Variants in TMEM181 observed in about 807,000 individuals in gnomAD.
TMEM181 encodes G protein-coupled receptor 178.
In TMEM181, 39 loss-of-function variants were observed where a neutral mutation model predicts 71.9. That is an observed-to-expected ratio of 0.54 (90% confidence interval 0.42 to 0.71). The LOEUF (loss-of-function observed/expected upper bound fraction) is 0.71. TMEM181 is among the 30% of genes least tolerant of loss of function. The pLI, the probability that TMEM181 is intolerant of heterozygous loss-of-function variation, is 0.00. For missense variants in TMEM181, 595 were observed against 583.0 expected, an observed-to-expected ratio of 1.02 and a Z score of -0.21; for synonymous variants, 245 against 228.8, an observed-to-expected ratio of 1.07 and a Z score of -0.64.
At chr6:158,592,634 G>A (rs912449383) in intron 6 of TMEM181, among the ~76,000 whole-genome samples, 4 of 152,096 alleles carry the variant, frequency 2.6e-5, no homozygotes, top group Admixed American at 2.6e-4. Flanking sequence ...AGCTGTAGTA[G>A]TTCACCACGC....
intron 1 of TMEM181, among the ~76,000 whole-genome samples, chr6:158,551,158 C>T (rs7767132): frequency 0.26 from 39,109 of 151,768 alleles, 5,161 homozygotes; most frequent in Middle Eastern, 0.29. Flanking sequence ...GACGGGGTTT[C>T]ACCATGTTGG....
chr6:158,546,417 A>G (rs564209067), intron 1 of TMEM181, among the ~76,000 whole-genome samples: 4 of 152,366 alleles, frequency 2.6e-5, no homozygotes, highest in African/African-American at 4.8e-5. Context: ...GTTTCAGCCA[A>G]AAAGGGTACA....
Position 158,608,364 on chromosome 6 carries a change from C to G in TMEM181, c.705C>G (p.Asn235Lys). 6.2e-7 allele frequency: 1 copy of G among 1,614,246 alleles called. No homozygotes were observed. Among genetic ancestry groups the G allele is most frequent in the Non-Finnish European group, 8.5e-7 (1 of 1,180,052 alleles). The change falls in exon 9 of 17, where the codon AAC becomes AAG. Residue 235 changes from asparagine (N) to lysine (K), a missense_variant. Coordinates refer to ENST00000684151, the MANE Select transcript of TMEM181 (RefSeq NM_001376852.1). ...TCTTCCCCCTCTCCTTCCTGGTCAACAGCTGGCTCCCAGGGATGCTGGATG... is the reference window on the plus strand; with the variant it reads ...TCTTCCCCCTCTCCTTCCTGGTCAAGAGCTGGCTCCCAGGGATGCTGGATG... ...DPFFPLSFLV[N>K]SWLPGMLDDL... is the part of the protein sequence containing the mutation.
chr6:158,630,758 G>A (rs536499912), intron 15 of TMEM181, among the ~76,000 whole-genome samples: 17 of 150,090 alleles, frequency 1.1e-4, no homozygotes, highest in African/African-American at 4.2e-4. Context: ...ACCTAATAGT[G>A]AAACCAAAAC....
intron 2 of TMEM181, among the ~76,000 whole-genome samples, chr6:158,578,524 A>G (rs1783290101): frequency 6.6e-6 from 1 of 152,206 alleles, no homozygotes; most frequent in African/African-American, 2.4e-5. Context: ...TTTGGACACA[A>G]TATATAAAGA....
At chr6:158,629,705 G>A (rs1786550178) in intron 14 of TMEM181, 25 bp from the exon 15 acceptor site, 14 of 1,578,078 alleles carry the variant, frequency 8.9e-6, no homozygotes, top group Middle Eastern at 1.7e-4. Flanking sequence ...TCCAGATGCC[G>A]CGTTCCTTCC....
chr6:158,606,189 T>C lies in TMEM181; in HGVS notation c.573+842T>C, dbSNP rs1310425402. On this transcript the variant is annotated intron_variant, in intron 7 of 16. Transcript: ENST00000684151. ...CGTGGGCGCTAGAGCCACAGGGAGC[T>C]GGAGGGAGGGGCGTGGGCGCTAGAG... Among the ~76,000 whole-genome samples the C allele has an allele frequency of 5.7e-5, 8 of 140,572 alleles. No individual in the cohort carries two copies. In the East Asian group the frequency reaches 1.5e-3, roughly 27 times the overall value. 92.2% of individuals were successfully genotyped at this position (140,572 alleles called of 152,430 possible).
intron 6 of TMEM181, among the ~76,000 whole-genome samples, chr6:158,590,647 A>G (rs146061011): frequency 1.1e-3 from 167 of 152,330 alleles, no homozygotes; most frequent in African/African-American, 3.4e-3. Flanking sequence ...TATTTTTAGT[A>G]GAGACAGAGT....
chr6:158,565,062 A>G lies in TMEM181; in HGVS notation c.8+4830A>G, dbSNP rs968221945. ...CACACCCCTTGGGCCCCTGCTGCGG[A>G]TGCTGGTGTTGCTGGGTTCTGTAGA... On this transcript the variant is annotated intron_variant, in intron 1 of 16. Transcript: ENST00000684151. 2.6e-5 allele frequency among the ~76,000 whole-genome samples: 4 copies of G among 152,146 alleles called. No homozygotes were observed. The East Asian group carries it at 7.7e-4, about 29-fold the overall frequency.
chr6:158,612,615 T>C (rs1002457809), intron 10 of TMEM181, among the ~76,000 whole-genome samples: 7 of 152,266 alleles, frequency 4.6e-5, no homozygotes, highest in African/African-American at 1.7e-4. Flanking sequence ...GGTATTCGCT[T>C]AGCATTTTAG....
chr6:158,622,937 G>C (rs975439668), intron 10 of TMEM181, among the ~76,000 whole-genome samples: 4 of 152,182 alleles, frequency 2.6e-5, no homozygotes, highest in African/African-American at 9.7e-5. Context: ...CTTTATGAGT[G>C]CTTTTGTCCT....
chr6:158,573,122 G>T (rs951901799), intron 1 of TMEM181, among the ~76,000 whole-genome samples: 2 of 152,160 alleles, frequency 1.3e-5, no homozygotes, highest in African/African-American at 4.8e-5. Flanking sequence ...GGGCCTAGGA[G>T]CCCCCCTAGT....
chr6:158,606,914 C>T (rs773218913), intron 7 of TMEM181, among the ~76,000 whole-genome samples: 2 of 152,190 alleles, frequency 1.3e-5, no homozygotes, highest in Non-Finnish European at 2.9e-5. Context: ...TGGAAGTGGG[C>T]CTTGTTTTCC....
intron 1 of TMEM181, among the ~76,000 whole-genome samples, chr6:158,554,371 C>A (rs1403889152): frequency 6.6e-6 from 1 of 152,178 alleles, no homozygotes. Context: ...CAGGCGTGAG[C>A]CACCGCGCCT....
chr6:158,572,445 C>T (rs1562628002), intron 1 of TMEM181: 1 of 456,760 alleles, frequency 2.2e-6, no homozygotes, highest in South Asian at 1.5e-5. Context: ...GAGAGCAAAA[C>T]AGACAGCGCC....
chr6:158,600,021 C>T (rs1037455593), intron 6 of TMEM181, among the ~76,000 whole-genome samples: 36 of 152,260 alleles, frequency 2.4e-4, no homozygotes, highest in African/African-American at 7.9e-4. Context: ...ATGAAGGCGC[C>T]GCGTGCCTCC....
chr6:158,610,493 T>A, intron 10 of TMEM181: 1 of 349,086 alleles, frequency 2.9e-6, no homozygotes, highest in Non-Finnish European at 5.1e-6. Flanking sequence ...ACAGTGGGTA[T>A]CAGTGAAGCC....
At chr6:158,590,651 A>G (rs1438061511) in intron 6 of TMEM181, among the ~76,000 whole-genome samples, 1 of 152,200 alleles carries the variant, frequency 6.6e-6, no homozygotes, top group Non-Finnish European at 1.5e-5. Context: ...TTTAGTAGAG[A>G]CAGAGTTTCA....
At chr6:158,538,068 T>G (rs1446734114) in intron 1 of TMEM181, among the ~76,000 whole-genome samples, 1 of 151,952 alleles carries the variant, frequency 6.6e-6, no homozygotes, top group African/African-American at 2.4e-5. Flanking sequence ...ATCCACAGTT[T>G]CATATCATAC....
Sources: allele counts gnomAD v4.1 joint callset (sites outside exome capture counted in the v4.1 genomes callset), GRCh38; gene constraint gnomAD v4.1.1; transcripts MANE v1.5; gene names NCBI Gene and HGNC (gene_info 2026-07-23, HGNC 2026-07-21).